STIM1: variants seen among roughly 807,000 people sequenced by gnomAD.
STIM1 encodes the protein stromal interaction molecule 1.
Under a neutral mutation model 74.7 loss-of-function variants are expected in STIM1, and 25 were observed. That is an observed-to-expected ratio of 0.33 (90% CI 0.24 to 0.47). The LOEUF (loss-of-function observed/expected upper bound fraction) is 0.47, where lower values mean the gene tolerates loss of function less well. STIM1 is among the 20% of genes least tolerant of loss of function. The pLI is 1.00. For synonymous variants in STIM1, 328 were observed against 348.8 expected, an observed-to-expected ratio of 0.94 and a Z score of 0.66; for missense variants, 728 against 920.8, an observed-to-expected ratio of 0.79 and a Z score of 2.71.
intron 1 of STIM1, among the ~76,000 whole-genome samples, chr11:3,862,041 T>G (rs1049136088): frequency 2.6e-5 from 4 of 152,106 alleles, no homozygotes; most frequent in African/African-American, 9.7e-5. Flanking sequence ...GTCAGGCTTT[T>G]AGGGAGAAAA....
At chr11:4,015,921 GT>G (rs2093892000) in intron 2 of STIM1, among the ~76,000 whole-genome samples, 1 of 152,090 alleles carries the variant, frequency 6.6e-6, no homozygotes, top group African/African-American at 2.4e-5. Flanking sequence ...CTCTACACTG[GT>G]TATTTTAGTT....
At chr11:4,072,196 A>G (rs917430967) in intron 6 of STIM1, among the ~76,000 whole-genome samples, 8 of 152,136 alleles carry the variant, frequency 5.3e-5, no homozygotes, top group Non-Finnish European at 1.2e-4. Flanking sequence ...TTAGAAAGAG[A>G]CAAAGACACC....
At chr11:3,973,946 A>G (rs896182326) in intron 2 of STIM1, 2 of 554,836 alleles carry the variant, frequency 3.6e-6, no homozygotes, top group Middle Eastern at 4.8e-4. Flanking sequence ...TATCCTTTTC[A>G]TAGTTAAGTG....
chr11:3,858,206 T>G (rs2090457464), intron 1 of STIM1, among the ~76,000 whole-genome samples: 1 of 152,120 alleles, frequency 6.6e-6, no homozygotes, highest in East Asian at 1.9e-4. Flanking sequence ...AAATTTTGAA[T>G]GTAGACATTG....
rs79919409 is a variant in STIM1 at position 3,921,304 on chromosome 11, C to T, written c.140-46248C>T. 1.2e-3 allele frequency among the ~76,000 whole-genome samples: 185 copies of T among 152,250 alleles called. 1 individual carries two copies. Among genetic ancestry groups the T allele is most frequent in the African/African-American group, 3.9e-3 (164 of 41,540 alleles). On this transcript the variant is annotated intron_variant, in intron 1 of 12. Transcript: ENST00000526596. ...GATATTTGGCCATTGATTTGGCAAA[C>T]GCATTATTTTCTGTTTCAGTCAGAA...
intron 2 of STIM1, among the ~76,000 whole-genome samples, chr11:3,992,336 C>T (rs2135858527): frequency 6.6e-6 from 1 of 151,830 alleles, no homozygotes; most frequent in East Asian, 1.9e-4. Flanking sequence ...ATGGCTTGAA[C>T]CCAGTAGGCA....
intron 5 of STIM1, among the ~76,000 whole-genome samples, chr11:4,061,828 G>A (rs61897238): frequency 0.038 from 5,737 of 152,252 alleles, 257 homozygotes; most frequent in East Asian, 0.19. Flanking sequence ...TCTGATACAT[G>A]CTACAATGTG....
chr11:3,991,201 TTCTC>T (rs1252138663), intron 2 of STIM1, among the ~76,000 whole-genome samples: 1 of 150,480 alleles, frequency 6.6e-6, no homozygotes, highest in Non-Finnish European at 1.5e-5. Flanking sequence ...GTCAGGGTCT[TTCTC>T]TGTCACCCAA....
intron 1 of STIM1, among the ~76,000 whole-genome samples, chr11:3,877,115 CT>C (rs79062896): frequency 0.31 from 47,397 of 151,860 alleles, 8,844 homozygotes; most frequent in African/African-American, 0.52. Context: ...AAGATAGTTT[CT>C]TTCATTTCCC....
At chr11:4,075,912 T>C (rs2133192806) in intron 7 of STIM1, among the ~76,000 whole-genome samples, 1 of 152,326 alleles carries the variant, frequency 6.6e-6, no homozygotes, top group South Asian at 2.1e-4. Flanking sequence ...TATCTTGTGA[T>C]TTTAATTTTC....
chr11:4,062,267 A>G (rs537352961), intron 5 of STIM1, among the ~76,000 whole-genome samples: 3 of 152,366 alleles, frequency 2.0e-5, no homozygotes, highest in Non-Finnish European at 4.4e-5. Context: ...AAGACAACCC[A>G]CAAAGTGGAG....
At chr11:3,873,225 G>C (rs2135278665) in intron 1 of STIM1, among the ~76,000 whole-genome samples, 1 of 152,128 alleles carries the variant, frequency 6.6e-6, no homozygotes, top group Admixed American at 6.5e-5. Context: ...AGAGCAGCCT[G>C]ACCAACATGG....
chr11:3,895,172 C>T (rs570727439), intron 1 of STIM1, among the ~76,000 whole-genome samples: 2 of 152,278 alleles, frequency 1.3e-5, no homozygotes, highest in African/African-American at 4.8e-5. Flanking sequence ...TTGGTGTTCT[C>T]TAGCCTTTGT....
At chr11:4,077,219 G>A (rs1353057770) in intron 7 of STIM1, among the ~76,000 whole-genome samples, 2 of 151,698 alleles carry the variant, frequency 1.3e-5, no homozygotes, top group East Asian at 3.9e-4. Flanking sequence ...AATAAAGCAA[G>A]GGTAGCTATA....
intron 1 of STIM1, among the ~76,000 whole-genome samples, chr11:3,932,398 C>T (rs1032279821): frequency 3.9e-5 from 6 of 152,154 alleles, no homozygotes; most frequent in Non-Finnish European, 7.4e-5. Flanking sequence ...TGTGGTGGCT[C>T]ACGCCTGTAA....
chr11:3,890,006 C>T (rs140403219), intron 1 of STIM1, among the ~76,000 whole-genome samples: 1 of 152,164 alleles, frequency 6.6e-6, no homozygotes, highest in Non-Finnish European at 1.5e-5. Flanking sequence ...TCTTGTCCTT[C>T]TTTCCATACC....
At chr11:4,082,842 A>G (rs199501941) in intron 8 of STIM1, 40 bp from the exon 9 acceptor site, 1 of 1,568,742 alleles carries the variant, frequency 6.4e-7, no homozygotes, top group Non-Finnish European at 8.8e-7. Flanking sequence ...TCCATTCTCG[A>G]ATCCCTGCTC....
chr11:4,070,080 G>C lies in STIM1; in HGVS notation c.668G>C (p.Gly223Ala). The C allele has an allele frequency of 6.2e-7, 1 of 1,614,170 alleles. No individual in the cohort carries two copies. Among genetic ancestry groups the C allele is most frequent in the Non-Finnish European group, 8.5e-7 (1 of 1,180,030 alleles). ...DFMLVVSIVIGVGGCWFAYIQ... is the reference protein window; with the variant it reads ...DFMLVVSIVIAVGGCWFAYIQ... The stretch of plus-strand genomic sequence containing the variant: ...ATGCTGGTGGTGTCTATCGTTATTG[G>C]TGTGGGCGGCTGCTGGTTTGCCTAT... The change falls in exon 6 of 13, where the codon GGT becomes GCT. Residue 223 changes from glycine to alanine, a missense_variant. Transcript: ENST00000526596.
intron 1 of STIM1, among the ~76,000 whole-genome samples, chr11:3,932,526 G>A (rs1369208115): frequency 6.6e-6 from 1 of 152,064 alleles, no homozygotes; most frequent in Non-Finnish European, 1.5e-5. Context: ...GCCGGGCGTG[G>A]TGGCGGGCAC....
Sources: allele counts gnomAD v4.1 joint callset (sites outside exome capture counted in the v4.1 genomes callset), GRCh38; gene constraint gnomAD v4.1.1; transcripts MANE v1.5; gene names NCBI Gene and HGNC (gene_info 2026-07-23, HGNC 2026-07-21).